PLOD2: variants seen among roughly 807,000 people sequenced by gnomAD.
The protein encoded by PLOD2 is procollagen-lysine,2-oxoglutarate 5-dioxygenase 2.
A neutral mutation model predicts 101.0 loss-of-function variants in PLOD2; 65 were observed. The ratio of observed to expected loss-of-function variants is 0.64; its 90% CI spans 0.53 to 0.79. PLOD2 has a LOEUF of 0.79. Ranked by LOEUF, PLOD2 falls within the 30% of genes least tolerant of loss-of-function variation. The pLI, the probability that PLOD2 is intolerant of heterozygous loss-of-function variation, is 0.00. For synonymous variants in PLOD2, 314 were observed against 302.9 expected (o/e 1.04, Z -0.38); for missense variants, 909 against 914.6 (o/e 0.99, Z 0.08).
At position 146,070,740 on chromosome 3, in the gene PLOD2, C is replaced by A. The variant is rs1377014346; in HGVS notation, c.2254G>T (p.Ala752Ser). The change falls in exon 20 of 20, where the codon GCA (alanine) becomes TCA (serine). Residue 752 changes from alanine to serine, a missense_variant. Physicochemically the swap from Ala to Ser is moderately conservative, Grantham distance 99 (BLOSUM62 1). Transcript: ENST00000282903. ...ACTTAGGGATCTATAAATGACACTG[C>A]AATGTATCTTGTTCCATTTTTAACA... The part of the protein sequence containing the change: ...LPVKNGTRYI[A>S]VSFIDP 2 of 1,606,762 alleles carry A rather than the reference C, an allele frequency of 1.2e-6. No homozygotes were observed. The highest frequency in any genetic ancestry group is 2.7e-5 in the African/African-American group (2 of 74,758).
intron 5 of PLOD2, chr3:146,105,280 T>C (rs926729268): frequency 4.6e-5 from 7 of 152,232 alleles, no homozygotes; most frequent in Admixed American, 1.3e-4. Context: ...CCTGTGTCTA[T>C]AGCACAGTCC....
At chr3:146,081,574 A>G (rs1559836935) in intron 12 of PLOD2, among the ~76,000 whole-genome samples, 164 bp downstream of exon 12, 1 of 152,180 alleles carries the variant, frequency 6.6e-6, no homozygotes. Flanking sequence ...TTAAGATATT[A>G]GTTTTATACT....
intron 4 of PLOD2, among the ~76,000 whole-genome samples, 183 bp downstream of exon 4, chr3:146,110,102 T>C (rs1161307162): frequency 6.6e-6 from 1 of 152,170 alleles, no homozygotes; most frequent in East Asian, 1.9e-4. Context: ...ATAACATTTA[T>C]ATTACCTAGT....
At chr3:146,103,609 T>C (rs1306284672) in intron 6 of PLOD2, among the ~76,000 whole-genome samples, 1 of 152,020 alleles carries the variant, frequency 6.6e-6, no homozygotes, top group East Asian at 1.9e-4. Flanking sequence ...CGCACCACCA[T>C]GCCTGACTAG....
At chr3:146,128,740 T>C (rs2030732126) in intron 1 of PLOD2, among the ~76,000 whole-genome samples, 1 of 151,478 alleles carries the variant, frequency 6.6e-6, no homozygotes, top group South Asian at 2.1e-4. Context: ...GCTGTTGATA[T>C]CTGAACACAA....
intron 3 of PLOD2, among the ~76,000 whole-genome samples, chr3:146,115,512 C>T (rs1937866135): frequency 1.3e-5 from 2 of 152,100 alleles, no homozygotes; most frequent in Admixed American, 1.3e-4. Context: ...TTTCCATGGC[C>T]TATCTCATGG....
Position 146,071,345 on chromosome 3 carries a change from A to C in PLOD2, c.1927T>G (p.Trp643Gly). 6.2e-7 allele frequency: 1 copy of C among 1,612,330 alleles called. No individual in the cohort carries two copies. The highest frequency in any genetic ancestry group is 8.5e-7 in the Non-Finnish European group (1 of 1,178,800). The change falls in exon 18 of 20, where the codon TGG becomes GGG. Residue 643 changes from tryptophan to glycine, a missense_variant. By Grantham distance (184) the Trp-to-Gly change is radical. Coordinates refer to ENST00000282903, the MANE Select transcript of PLOD2 (RefSeq NM_182943.3). ...ATGAACTCCCGGATAAAATGAAGCCATACATTCTCCAGATCAACTTGCTTC... is the reference window on the plus strand; with the variant it reads ...ATGAACTCCCGGATAAAATGAAGCCCTACATTCTCCAGATCAACTTGCTTC... The part of the protein sequence containing the change: ...HMKQVDLENV[W>G]LHFIREFIAP...
At chr3:146,142,250 T>C (rs951401856) in intron 1 of PLOD2, among the ~76,000 whole-genome samples, 6 of 152,152 alleles carry the variant, frequency 3.9e-5, no homozygotes, top group African/African-American at 1.4e-4. Flanking sequence ...ATTTTTGTCA[T>C]CAAGAAAAAT....
intron 4 of PLOD2, among the ~76,000 whole-genome samples, chr3:146,106,991 T>G (rs765319215): frequency 1.2e-4 from 18 of 152,114 alleles, no homozygotes; most frequent in Non-Finnish European, 2.5e-4. Flanking sequence ...AGACAAGAAT[T>G]TTTTCTCTGA....
At chr3:146,147,739 G>A (rs2031854682) in intron 1 of PLOD2, among the ~76,000 whole-genome samples, 1 of 152,116 alleles carries the variant, frequency 6.6e-6, no homozygotes, top group African/African-American at 2.4e-5. Flanking sequence ...AGAAAGATGA[G>A]ACAAGAAAAA....
At chr3:146,156,330 G>C (rs1353977783) in intron 1 of PLOD2, among the ~76,000 whole-genome samples, 8 of 152,202 alleles carry the variant, frequency 5.3e-5, no homozygotes. Flanking sequence ...TTTCTGTACA[G>C]GACCAGCTAG....
At chr3:146,140,783 A>T (rs1193256227) in intron 1 of PLOD2, among the ~76,000 whole-genome samples, 2 of 152,046 alleles carry the variant, frequency 1.3e-5, no homozygotes, top group Non-Finnish European at 2.9e-5. Flanking sequence ...ATACCAAACA[A>T]ATATAACCTC....
intron 13 of PLOD2, 150 bp from the exon 14 acceptor site, chr3:146,078,074 A>G (rs908171138): frequency 1.5e-6 from 1 of 678,792 alleles, no homozygotes; most frequent in South Asian, 1.7e-5. Flanking sequence ...CAAAGCTTAT[A>G]GCACACACAA....
chr3:146,149,603 G>A (rs1344935658), intron 1 of PLOD2, among the ~76,000 whole-genome samples: 1 of 152,016 alleles, frequency 6.6e-6, no homozygotes, highest in Non-Finnish European at 1.5e-5. Flanking sequence ...GTTTATGCTT[G>A]AGGAACATAA....
At chr3:146,123,647 T>G (rs1418180113) in intron 2 of PLOD2, among the ~76,000 whole-genome samples, 1 of 151,942 alleles carries the variant, frequency 6.6e-6, no homozygotes, top group Non-Finnish European at 1.5e-5. Flanking sequence ...ACAGAAAAAA[T>G]TATGCAGTCA....
At chr3:146,112,711 C>T (rs564373907) in intron 3 of PLOD2, among the ~76,000 whole-genome samples, 69 of 151,806 alleles carry the variant, frequency 4.5e-4, no homozygotes, top group African/African-American at 1.1e-3. Flanking sequence ...ATTAGCTGTG[C>T]GTGGTGATGT....
intron 1 of PLOD2, among the ~76,000 whole-genome samples, chr3:146,155,683 C>G (rs1226671741): frequency 1.3e-5 from 2 of 148,422 alleles, no homozygotes; most frequent in African/African-American, 5.0e-5. Context: ...CCACTGCACT[C>G]CAGCCTGGGC....
At chr3:146,107,724 C>A (rs1937562080) in intron 4 of PLOD2, among the ~76,000 whole-genome samples, 1 of 147,728 alleles carries the variant, frequency 6.8e-6, no homozygotes, top group Non-Finnish European at 1.5e-5. Context: ...GCAACCTATG[C>A]CTCCCGAGTT....
At chr3:146,115,278 T>C (rs1027103483) in intron 3 of PLOD2, among the ~76,000 whole-genome samples, 14 of 152,198 alleles carry the variant, frequency 9.2e-5, no homozygotes, top group African/African-American at 3.4e-4. Context: ...ATTTTCCACA[T>C]ATAACTGTGG....
Sources: allele counts gnomAD v4.1 joint callset (sites outside exome capture counted in the v4.1 genomes callset), GRCh38; gene constraint gnomAD v4.1.1; transcripts MANE v1.5; gene names NCBI Gene and HGNC (gene_info 2026-07-23, HGNC 2026-07-21).